The following MIS18A variants were observed in gnomAD, a reference collection of about 807,000 sequenced individuals.
MIS18A encodes the protein protein Mis18-alpha.
MIS18A carries 14 observed loss-of-function variants against 25.0 expected under a neutral mutation model. The ratio of observed to expected loss-of-function variants is 0.56; its 90% CI spans 0.37 to 0.88. The LOEUF (loss-of-function observed/expected upper bound fraction) is 0.88, where lower values mean the gene tolerates loss of function less well. Ranked by LOEUF, MIS18A falls within the 40% of genes least tolerant of loss-of-function variation. MIS18A has a pLI of 0.00. For synonymous variants in MIS18A, 134 were observed against 118.6 expected, an observed-to-expected ratio of 1.13 and a Z score of -0.84; for missense variants, 292 against 290.8, an observed-to-expected ratio of 1.00 and a Z score of -0.03.
the MIS18A span, among the ~76,000 whole-genome samples, chr21:32,211,443 A>G: frequency 1.3e-5 from 2 of 152,218 alleles, no homozygotes; most frequent in Non-Finnish European, 2.9e-5. Flanking sequence ...CAATCGGGAA[A>G]TGACATGCAT....
chr21:32,209,570 A>C, the MIS18A span, among the ~76,000 whole-genome samples: 2 of 152,246 alleles, frequency 1.3e-5, no homozygotes, highest in African/African-American at 4.8e-5. Flanking sequence ...TAAGAACACT[A>C]TCCCCATTGT....
chr21:32,239,519 T>A, the MIS18A span, among the ~76,000 whole-genome samples: 1 of 152,224 alleles, frequency 6.6e-6, no homozygotes, highest in South Asian at 2.1e-4. Context: ...AGAATTTCTA[T>A]CACCAAAAGC....
At chr21:32,188,285 A>C in the MIS18A span, among the ~76,000 whole-genome samples, 1 of 152,250 alleles carries the variant, frequency 6.6e-6, no homozygotes, top group African/African-American at 2.4e-5. Context: ...TCAGAGACAA[A>C]GGACTTTACT....
chr21:32,157,889 A>G, the MIS18A span, among the ~76,000 whole-genome samples: 560 of 152,256 alleles, frequency 3.7e-3, no homozygotes, highest in Non-Finnish European at 6.8e-3. Flanking sequence ...CAGTGGGGGA[A>G]AAGAAAAAAC....
At chr21:32,245,684 C>T in the MIS18A span, among the ~76,000 whole-genome samples, 1 of 152,186 alleles carries the variant, frequency 6.6e-6, no homozygotes, top group Non-Finnish European at 1.5e-5. Flanking sequence ...TCCAAACCTT[C>T]AGTAAAGACC....
chr21:32,174,375 G>T, the MIS18A span, among the ~76,000 whole-genome samples: 2 of 152,110 alleles, frequency 1.3e-5, no homozygotes, highest in Non-Finnish European at 2.9e-5. Context: ...TACTATGCAA[G>T]CACTAATCAA....
rs1179569164 is a variant in MIS18A, at chr21:32,268,244, T to G, written c.*793A>C. The G allele has an allele frequency of 2.6e-5, 4 of 152,220 alleles. No homozygotes were observed. The highest frequency in any genetic ancestry group is 9.6e-5 in the African/African-American group (4 of 41,458). 9.4% of individuals were successfully genotyped at this position (152,220 alleles called of 1,614,324 possible). A position where few individuals can be genotyped will look rare whatever the true frequency, so the allele number is the denominator to read the frequency against. ...TTAAAGCACTTTGTTTTAATCTTTA[T>G]TCTCTTCAATTAGAAAAATACATAC... On this transcript the variant is annotated 3_prime_UTR_variant, in exon 5 of 5. Coordinates refer to ENST00000290130, the MANE Select transcript of MIS18A (RefSeq NM_018944.3).
At chr21:32,208,722 T>A in the MIS18A span, among the ~76,000 whole-genome samples, 4 of 152,192 alleles carry the variant, frequency 2.6e-5, no homozygotes, top group Non-Finnish European at 5.9e-5. Context: ...AACCACCAAT[T>A]TACAGGAGCT....
chr21:32,247,300 G>A, the MIS18A span, among the ~76,000 whole-genome samples: 1 of 152,164 alleles, frequency 6.6e-6, no homozygotes, highest in Non-Finnish European at 1.5e-5. Flanking sequence ...CCGTGGCTCA[G>A]GATTTGTTTC....
At chr21:32,212,663 C>T in the MIS18A span, among the ~76,000 whole-genome samples, 1 of 152,158 alleles carries the variant, frequency 6.6e-6, no homozygotes, top group Non-Finnish European at 1.5e-5. Context: ...TGTCCCCACC[C>T]AAATCTCACC....
downstream of MIS18A, among the ~76,000 whole-genome samples, chr21:32,265,035 A>G (rs538036581): frequency 3.3e-4 from 50 of 152,294 alleles, no homozygotes; most frequent in Middle Eastern, 0.01. Context: ...TCTTCTCCCT[A>G]AAGAACTAGG....
chr21:32,210,319 C>A, the MIS18A span, among the ~76,000 whole-genome samples: 4 of 152,092 alleles, frequency 2.6e-5, no homozygotes, highest in Non-Finnish European at 5.9e-5. Flanking sequence ...ATAGTAGGCA[C>A]CATGGTGTTG....
At chr21:32,242,354 T>A in the MIS18A span, among the ~76,000 whole-genome samples, 4 of 152,262 alleles carry the variant, frequency 2.6e-5, no homozygotes, top group African/African-American at 9.6e-5. Context: ...CCTCATCATA[T>A]TCTTCTACTG....
intron 1 of MIS18A, among the ~76,000 whole-genome samples, 165 bp from the exon 2 acceptor site, chr21:32,275,061 G>A (rs2031785225): frequency 6.6e-6 from 1 of 152,154 alleles, no homozygotes; most frequent in Admixed American, 6.6e-5. Flanking sequence ...GGGGTCTTCT[G>A]GGAAAAGATA....
chr21:32,212,753 T>C, the MIS18A span, among the ~76,000 whole-genome samples: 1 of 152,068 alleles, frequency 6.6e-6, no homozygotes, highest in Non-Finnish European at 1.5e-5. Context: ...TCCCTCATAC[T>C]GTTCTCAAGG....
At chr21:32,266,725 G>A (rs897641941), downstream of MIS18A, among the ~76,000 whole-genome samples, 13 of 151,572 alleles carry the variant, frequency 8.6e-5, no homozygotes, top group Admixed American at 3.3e-4. Flanking sequence ...CTCCAGACGC[G>A]CCACCTTAAG....
chr21:32,181,420 G>T, the MIS18A span, among the ~76,000 whole-genome samples: 1 of 152,140 alleles, frequency 6.6e-6, no homozygotes, highest in South Asian at 2.1e-4. Flanking sequence ...TGCTCTGTTG[G>T]TTCTGTTTCT....
chr21:32,208,263 C>T, the MIS18A span, among the ~76,000 whole-genome samples: 2 of 152,110 alleles, frequency 1.3e-5, no homozygotes, highest in African/African-American at 4.8e-5. Flanking sequence ...AATTCTAATC[C>T]CCAGTGTTGA....
the MIS18A span, among the ~76,000 whole-genome samples, chr21:32,253,888 A>C: frequency 1.3e-5 from 2 of 152,222 alleles, no homozygotes; most frequent in African/African-American, 4.8e-5. Flanking sequence ...GTTTTAGTTG[A>C]TTTAATAGAG....
Sources: allele counts gnomAD v4.1 joint callset (sites outside exome capture counted in the v4.1 genomes callset), GRCh38; gene constraint gnomAD v4.1.1; transcripts MANE v1.5; gene names NCBI Gene and HGNC (gene_info 2026-07-23, HGNC 2026-07-21).